ZNF48: variants seen among roughly 807,000 people sequenced by gnomAD.
ZNF48 encodes the protein zinc finger protein 48, also known as zinc finger protein 553.
In ZNF48, 20 loss-of-function variants were observed where a neutral mutation model predicts 40.0. The ratio of observed to expected loss-of-function variants is 0.50; its 90% confidence interval spans 0.35 to 0.73. The LOEUF (loss-of-function observed/expected upper bound fraction) is 0.73, where lower values mean the gene tolerates loss of function less well. ZNF48 is among the 30% of genes least tolerant of loss of function. The probability of loss-of-function intolerance (pLI) is 0.01; values close to 1 mark genes in which losing one functional copy is unlikely to be tolerated. For synonymous variants in ZNF48, 298 were observed against 329.7 expected, an observed-to-expected ratio of 0.90 and a Z score of 1.04; for missense variants, 726 against 851.9, an observed-to-expected ratio of 0.85 and a Z score of 1.84.
chr16:30,399,029 C>T lies in ZNF48; in HGVS notation c.1779C>T (p.His593=), dbSNP rs772289912. 17 of 1,613,602 alleles carry T rather than the reference C, an allele frequency of 1.1e-5. No individual in the cohort carries two copies. In the South Asian group the frequency reaches 1.3e-4, roughly 13 times the overall value. The stretch of plus-strand genomic sequence containing the variant: ...CCCGCATCAAGCACCAGCGTGGGCA[C>T]CTGGTCCTGACGCCCTTTGGGATAG... The part of the protein sequence containing the change: ...SSARIKHQRG[H]LVLTPFGIGD... Residue 593 remains histidine (H), a synonymous_variant, in exon 3 of 3, where the codon CAC becomes CAT. Coordinates refer to ENST00000613509, the MANE Select transcript of ZNF48 (RefSeq NM_001214909.2).
At chr16:30,389,498 G>T (rs528852731) in intron 1 of ZNF48, among the ~76,000 whole-genome samples, 22 of 151,668 alleles carry the variant, frequency 1.5e-4, no homozygotes, top group Non-Finnish European at 2.7e-4. Flanking sequence ...GCTTGAACCT[G>T]GGAGGCAGAG....
upstream of ZNF48, among the ~76,000 whole-genome samples, chr16:30,390,619 T>G (rs796891018): frequency 0.088 from 4,700 of 53,302 alleles, 452 homozygotes; most frequent in African/African-American, 0.21. Flanking sequence ...TTTTTTTTTT[T>G]TTTTTTTTTT....
chr16:30,396,366 C>G (rs531341903), intron 2 of ZNF48, among the ~76,000 whole-genome samples: 1 of 152,258 alleles, frequency 6.6e-6, no homozygotes, highest in African/African-American at 2.4e-5. Context: ...CTTCGCTCTG[C>G]CGTAATGCCG....
At position 30,381,569 on chromosome 16, in the gene ZNF48, G is replaced by T; in HGVS notation, c.-16+3159G>T. 6.5e-7 allele frequency: 1 copy of T among 1,531,160 alleles called. No homozygotes were observed. The highest frequency in any genetic ancestry group is 9.0e-7 in the Non-Finnish European group (1 of 1,115,862). 94.8% of individuals were successfully genotyped at this position (1,531,160 alleles called of 1,614,324 possible). A position where few individuals can be genotyped will look rare whatever the true frequency, so the allele number is the denominator to read the frequency against. On this transcript the variant is annotated intron_variant, in intron 1 of 2. Coordinates refer to the ZNF48 transcript ENST00000528032. The surrounding 1 kb of genome is among the most constrained non-coding windows in gnomAD (Gnocchi z 4.3). The stretch of plus-strand genomic sequence containing the variant: ...TGTGGGAGTAGAATGTCATTTCTTT[G>T]GCTCCCTCCAAAGACATTAAGGGGA...
chr16:30,380,365 C>G, intron 1 of ZNF48: 1 of 161,122 alleles, frequency 6.2e-6, no homozygotes, highest in Non-Finnish European at 1.4e-5. Flanking sequence ...CCAGTGGCTC[C>G]ATCTTGGTTC....
At chr16:30,387,232 C>A (rs796939043) in intron 1 of ZNF48, among the ~76,000 whole-genome samples, 1 of 146,532 alleles carries the variant, frequency 6.8e-6, no homozygotes, top group Non-Finnish European at 1.5e-5. Context: ...CGTGAGCCAC[C>A]GCGCCCGGCC....
upstream of ZNF48, among the ~76,000 whole-genome samples, chr16:30,393,273 C>T (rs951793140): frequency 6.6e-5 from 10 of 151,350 alleles, no homozygotes; most frequent in African/African-American, 2.2e-4. Context: ...GATGGGGTTT[C>T]ACCATGTTGG....
chr16:30,378,531 C>A, intron 1 of ZNF48: 2 of 1,598,180 alleles, frequency 1.3e-6, no homozygotes. Context: ...CTGTGCAGGG[C>A]GAGATTGCAG....
At chr16:30,378,987 A>T in intron 1 of ZNF48, 2 of 1,597,858 alleles carry the variant, frequency 1.3e-6, no homozygotes, top group Middle Eastern at 1.7e-4. Context: ...GGGACCTTGG[A>T]GGCTCTGATA....
chr16:30,392,304 T>A (rs1348881437), upstream of ZNF48, among the ~76,000 whole-genome samples: 3 of 152,020 alleles, frequency 2.0e-5, no homozygotes, highest in Non-Finnish European at 4.4e-5. Context: ...ATTACAGGAG[T>A]GAGCCACCGC....
chr16:30,384,958 C>T (rs558758355), intron 1 of ZNF48, among the ~76,000 whole-genome samples: 47 of 151,936 alleles, frequency 3.1e-4, no homozygotes, highest in African/African-American at 1.1e-3. Flanking sequence ...AGGCAGATCA[C>T]CTGTGGTCAG....
At chr16:30,379,638 C>CAATT (rs2049813287) in intron 1 of ZNF48, 1 of 295,682 alleles carries the variant, frequency 3.4e-6, no homozygotes, top group East Asian at 6.8e-5. Context: ...CTGCCCCTTC[C>CAATT]TCTTTTTTTT....
chr16:30,398,435 C>A lies in ZNF48; in HGVS notation c.1185C>A (p.Pro395=). The change falls in exon 3 of 3, where the codon CCC becomes CCA. Residue 395 remains proline (P), a synonymous_variant. Transcript: ENST00000613509. This position sits in a 1 kb window ranked among gnomAD's most constrained non-coding sequence, Gnocchi z 6.6. The part of the protein sequence containing the change: ...QDFSFPGYPL[P]ALIPSPPPPP... ...TCAGCTTCCCAGGCTATCCCCTACCCGCTCTGATCCCCAGCCCACCCCCAC... is the reference window on the plus strand; with the variant it reads ...TCAGCTTCCCAGGCTATCCCCTACCAGCTCTGATCCCCAGCCCACCCCCAC... 1 of 1,598,626 alleles carries A rather than the reference C, an allele frequency of 6.3e-7. No individual in the cohort carries two copies. Among genetic ancestry groups the A allele is most frequent in the Non-Finnish European group, 8.5e-7 (1 of 1,170,422 alleles).
In ZNF48 at chr16:30,389,686, G is replaced by A. The variant is rs1023998419; in HGVS notation, c.-15-6094G>A. The stretch of plus-strand genomic sequence containing the variant: ...TGCTTATTAATTCCAACTAATTATG[G>A]CGAATCATTCATATGATATTTGGGG... On this transcript the variant is annotated intron_variant, in intron 1 of 2. Coordinates refer to the ZNF48 transcript ENST00000528032. 2.0e-5 allele frequency among the ~76,000 whole-genome samples: 3 copies of A among 151,584 alleles called. No individual in the cohort carries two copies. In the East Asian group the frequency reaches 5.8e-4, roughly 29 times the overall value.
chr16:30,384,694 T>G (rs996498522), intron 1 of ZNF48, among the ~76,000 whole-genome samples: 3 of 151,352 alleles, frequency 2.0e-5, no homozygotes, highest in African/African-American at 7.3e-5. Context: ...CTGGCCAACA[T>G]GGTGAAACCC....
At chr16:30,380,257 C>T in intron 1 of ZNF48, 1 of 322,216 alleles carries the variant, frequency 3.1e-6, no homozygotes, top group Admixed American at 4.7e-5. Flanking sequence ...CATTAAGAGA[C>T]CAGGAGAAGC....
chr16:30,382,596 C>T lies in ZNF48; in HGVS notation c.-16+4186C>T, dbSNP rs111542325. On this transcript the variant is annotated intron_variant, in intron 1 of 2. Coordinates refer to the ZNF48 transcript ENST00000528032. The surrounding 1 kb of genome is among the most constrained non-coding windows in gnomAD (Gnocchi z 4.8). ...CTCTGGTGGGGCAGGAAGCTGAGTG[C>T]GGCTAACAAGGGGGCGGGCAGAAGA... The T allele has an allele frequency of 1.9e-5, 29 of 1,559,964 alleles. No individual in the cohort carries two copies. Among genetic ancestry groups the T allele is most frequent in the African/African-American group, 6.8e-5 (5 of 73,796 alleles).
chr16:30,383,980 G>T (rs1210403290), intron 1 of ZNF48, among the ~76,000 whole-genome samples: 1 of 152,176 alleles, frequency 6.6e-6, no homozygotes, highest in Non-Finnish European at 1.5e-5. Context: ...ACTTTGGGAG[G>T]CCGAGGCGGG....
chr16:30,398,985 G>T lies in ZNF48; in HGVS notation c.1735G>T (p.Gly579Cys), dbSNP rs375242118. ...KPYKCAECGK[G>C]FGDSSARIKH... is the part of the protein sequence containing the mutation. ...ATACAAGTGTGCAGAGTGTGGCAAG[G>T]GTTTTGGTGACAGTTCTGCCCGCAT... is the stretch of plus-strand genomic sequence containing the variant. The change falls in exon 3 of 3, where the codon GGT (glycine) becomes TGT (cysteine). Residue 579 changes from glycine to cysteine, a missense_variant. By Grantham distance (159) the Gly-to-Cys change is radical. Around this residue, in one of 5 missense-constraint regions of ZNF48, gnomAD observed 166 missense variants for 163.6 expected, o/e 1.01. Coordinates refer to ENST00000613509, the MANE Select transcript of ZNF48 (RefSeq NM_001214909.2). This position sits in a 1 kb window ranked among gnomAD's most constrained non-coding sequence, Gnocchi z 6.6. 37 of 1,613,970 alleles carry T rather than the reference G, an allele frequency of 2.3e-5. No homozygotes were observed. The highest frequency in any genetic ancestry group is 3.1e-5 in the Non-Finnish European group (36 of 1,180,032).
Sources: allele counts gnomAD v4.1 joint callset (sites outside exome capture counted in the v4.1 genomes callset), GRCh38; gene constraint gnomAD v4.1.1; regional missense constraint gnomAD v4.1.1; non-coding constraint Gnocchi (gnomAD v3.1); transcripts MANE v1.5; gene names NCBI Gene and HGNC (gene_info 2026-07-23, HGNC 2026-07-21).